Variants in PDZRN4 observed in about 807,000 individuals in gnomAD.
PDZRN4 encodes PDZ domain-containing RING finger protein 4.
A neutral mutation model predicts 99.0 loss-of-function variants in PDZRN4; 70 were observed. The ratio of observed to expected loss-of-function variants is 0.71; its 90% CI spans 0.58 to 0.86. PDZRN4 has a LOEUF of 0.86. Among genes scored for constraint, PDZRN4 ranks in the 40% least tolerant of loss-of-function variants. The pLI is 0.00. For synonymous variants in PDZRN4, 551 were observed against 501.6 expected, an observed-to-expected ratio of 1.10 and a Z score of -1.32; for missense variants, 1,474 against 1,331.2, an observed-to-expected ratio of 1.11 and a Z score of -1.67.
chr12:41,254,042 TG>T (rs1341107391), intron 3 of PDZRN4, among the ~76,000 whole-genome samples: 1 of 148,292 alleles, frequency 6.7e-6, no homozygotes, highest in Non-Finnish European at 1.5e-5. Flanking sequence ...TGCGTGTGTG[TG>T]TGTGTGTGTG....
intron 3 of PDZRN4, among the ~76,000 whole-genome samples, chr12:41,382,645 C>T (rs535625891): frequency 1.1e-4 from 16 of 152,274 alleles, no homozygotes; most frequent in Admixed American, 9.2e-4. Context: ...TCTGCCTTTT[C>T]CAAGATGCAC....
chr12:41,566,337 T>G (rs1432686491), intron 8 of PDZRN4, among the ~76,000 whole-genome samples: 1 of 152,176 alleles, frequency 6.6e-6, no homozygotes, highest in African/African-American at 2.4e-5. Flanking sequence ...TAGTAAGCAC[T>G]CCCCATTTTA....
chr12:41,573,122 C>G lies in PDZRN4; in HGVS notation c.2343C>G (p.Ser781=), dbSNP rs1939513565. The change falls in exon 10 of 10, where the codon TCC becomes TCG. Residue 781 remains serine (S), a synonymous_variant. Coordinates refer to ENST00000402685, the MANE Select transcript of PDZRN4 (RefSeq NM_001164595.2). Reference sequence around the variant, plus strand: ...GAAGCACAATGGCAGCCACCCAGTCCTCTTCCGGACAGAGCAGTAAAGAGT... The same window carrying G: ...GAAGCACAATGGCAGCCACCCAGTCGTCTTCCGGACAGAGCAGTAAAGAGT... The part of the protein sequence containing the change: ...NLRSTMAATQ[S]SSGQSSKEST... 1 of 1,614,128 alleles carries G rather than the reference C, an allele frequency of 6.2e-7. No homozygotes were observed. The highest frequency in any genetic ancestry group is 8.5e-7 in the Non-Finnish European group (1 of 1,180,016).
At chr12:41,290,064 G>C (rs1951447694) in intron 3 of PDZRN4, among the ~76,000 whole-genome samples, 1 of 152,114 alleles carries the variant, frequency 6.6e-6, no homozygotes, top group South Asian at 2.1e-4. Flanking sequence ...AAGTACTGGT[G>C]GTGGGCCTTT....
intron 3 of PDZRN4, among the ~76,000 whole-genome samples, chr12:41,414,134 GC>G (rs1952422992): frequency 6.6e-6 from 1 of 152,202 alleles, no homozygotes; most frequent in South Asian, 2.1e-4. Context: ...CTGAAAATAG[GC>G]CCCCAGTCTC....
intron 3 of PDZRN4, among the ~76,000 whole-genome samples, chr12:41,479,798 G>A (rs1937645728): frequency 6.6e-6 from 1 of 152,152 alleles, no homozygotes; most frequent in Admixed American, 6.5e-5. Flanking sequence ...GAAAATGTAA[G>A]AAATGTGGGA....
At chr12:41,332,528 T>C (rs974706932) in intron 3 of PDZRN4, among the ~76,000 whole-genome samples, 3 of 151,688 alleles carry the variant, frequency 2.0e-5, no homozygotes, top group Admixed American at 1.3e-4. Flanking sequence ...ATGGGAGATA[T>C]TGTGATGGGA....
At chr12:41,457,222 T>C (rs73130613) in intron 3 of PDZRN4, among the ~76,000 whole-genome samples, 1 of 152,242 alleles carries the variant, frequency 6.6e-6, no homozygotes, top group Non-Finnish European at 1.5e-5. Flanking sequence ...AACACTATGC[T>C]ATTGGAGTAT....
At chr12:41,392,633 TA>T (rs1952217675) in intron 3 of PDZRN4, among the ~76,000 whole-genome samples, 1 of 152,206 alleles carries the variant, frequency 6.6e-6, no homozygotes, top group Non-Finnish European at 1.5e-5. Flanking sequence ...CAGAAGTTAT[TA>T]ATAAAGTGAG....
intron 3 of PDZRN4, among the ~76,000 whole-genome samples, chr12:41,260,848 C>T (rs777738210): frequency 6.6e-6 from 1 of 152,130 alleles, no homozygotes; most frequent in South Asian, 2.1e-4. Context: ...ATTTCTCATA[C>T]TTGAAATATC....
intron 8 of PDZRN4, among the ~76,000 whole-genome samples, chr12:41,565,219 G>A (rs1372538396): frequency 2.0e-5 from 3 of 151,950 alleles, no homozygotes; most frequent in Non-Finnish European, 4.4e-5. Context: ...TTCCACATTT[G>A]ATGAAAGATG....
At chr12:41,473,254 A>T (rs1304499184) in intron 3 of PDZRN4, 1 of 152,188 alleles carries the variant, frequency 6.6e-6, no homozygotes, top group East Asian at 1.9e-4. Context: ...TTTTATTAAG[A>T]GTAGGTCATA....
chr12:41,275,230 T>C (rs569429184), intron 3 of PDZRN4, among the ~76,000 whole-genome samples: 7 of 152,206 alleles, frequency 4.6e-5, no homozygotes, highest in African/African-American at 1.7e-4. Flanking sequence ...TGATAAAAAG[T>C]CCGTATTTCA....
chr12:41,436,291 C>T (rs969933185), intron 3 of PDZRN4, among the ~76,000 whole-genome samples: 10 of 152,162 alleles, frequency 6.6e-5, no homozygotes, highest in African/African-American at 2.4e-4. Flanking sequence ...AGGGAAACAA[C>T]TGATAAGCAG....
intron 2 of PDZRN4, 63 bp downstream of exon 2, chr12:41,191,607 A>G (rs1340835434): frequency 1.3e-6 from 1 of 775,640 alleles, no homozygotes; most frequent in African/African-American, 1.7e-5. Flanking sequence ...AGCATTACTC[A>G]TTGCTTATAA....
At chr12:41,413,089 G>GA (rs34380846) in intron 3 of PDZRN4, 66,817 of 144,900 alleles carry the variant, frequency 0.46, 15,561 homozygotes, top group African/African-American at 0.54. Context: ...GACTCCATCT[G>GA]AAAAAAAAGA....
At chr12:41,326,733 C>T (rs1446115938) in intron 3 of PDZRN4, among the ~76,000 whole-genome samples, 1 of 152,110 alleles carries the variant, frequency 6.6e-6, no homozygotes, top group Admixed American at 6.6e-5. Context: ...TAACTAGATG[C>T]ACATGATAAG....
intron 3 of PDZRN4, among the ~76,000 whole-genome samples, chr12:41,301,538 T>C (rs763457371): frequency 2.0e-4 from 31 of 152,106 alleles, no homozygotes; most frequent in Admixed American, 7.2e-4. Context: ...TGGGATTCTA[T>C]GTCTTCCTGT....
intron 3 of PDZRN4, among the ~76,000 whole-genome samples, chr12:41,358,997 A>G (rs568310577): frequency 4.2e-4 from 64 of 152,116 alleles, no homozygotes; most frequent in African/African-American, 1.4e-3. Context: ...TGATTTGTCT[A>G]ACAAAGTTCA....
Sources: allele counts gnomAD v4.1 joint callset (sites outside exome capture counted in the v4.1 genomes callset), GRCh38; gene constraint gnomAD v4.1.1; transcripts MANE v1.5; gene names NCBI Gene and HGNC (gene_info 2026-07-23, HGNC 2026-07-21).